Variants in PTCHD4 observed in about 807,000 individuals in gnomAD.
PTCHD4 encodes the protein patched domain containing 4, also known as patched domain-containing protein 4.
Under a neutral mutation model 58.1 loss-of-function variants are expected in PTCHD4, and 33 were observed. The observed-to-expected ratio is 0.57, with a 90% CI of 0.43 to 0.76. PTCHD4 has a LOEUF of 0.76. Among genes scored for constraint, PTCHD4 ranks in the 30% least tolerant of loss-of-function variants. The pLI is 0.00. For missense variants in PTCHD4, 1,058 were observed against 1,027.1 expected (o/e 1.03, Z -0.41); for synonymous variants, 478 against 409.6 (o/e 1.17, Z -2.02).
intron 3 of PTCHD4, among the ~76,000 whole-genome samples, chr6:48,050,710 C>G (rs9473219): frequency 1.8e-4 from 28 of 151,964 alleles, no homozygotes; most frequent in African/African-American, 6.8e-4. Context: ...GGAACTGCTC[C>G]CATAGATCCA....
intron 4 of PTCHD4, among the ~76,000 whole-genome samples, chr6:47,942,988 T>A (rs1459354670): frequency 1.3e-5 from 2 of 152,168 alleles, no homozygotes; most frequent in African/African-American, 4.8e-5. Flanking sequence ...AACTTTCTTG[T>A]GGCATAACCC....
intron 4 of PTCHD4, among the ~76,000 whole-genome samples, chr6:47,970,999 G>A (rs957976734): frequency 3.9e-5 from 6 of 152,110 alleles, no homozygotes; most frequent in South Asian, 2.1e-4. Context: ...GAGATCTGGC[G>A]TCAACTACTT....
intron 4 of PTCHD4, among the ~76,000 whole-genome samples, chr6:47,880,606 T>C (rs527398790): frequency 6.6e-6 from 1 of 152,238 alleles, no homozygotes; most frequent in South Asian, 2.1e-4. Context: ...AAGCACTTCC[T>C]TTGGGCTCCT....
At chr6:47,996,093 T>A (rs1768476039) in intron 4 of PTCHD4, among the ~76,000 whole-genome samples, 1 of 152,190 alleles carries the variant, frequency 6.6e-6, no homozygotes, top group Admixed American at 6.5e-5. Flanking sequence ...ATTTTTTTCG[T>A]TCATAGTAAT....
At chr6:48,072,172 T>C (rs1254196132) in intron 1 of PTCHD4, among the ~76,000 whole-genome samples, 2 of 152,150 alleles carry the variant, frequency 1.3e-5, no homozygotes, top group Non-Finnish European at 2.9e-5. Context: ...AGGCTCTACC[T>C]CCTTCCTCCT....
At chr6:47,909,624 G>A (rs1008255041) in intron 4 of PTCHD4, among the ~76,000 whole-genome samples, 1 of 151,872 alleles carries the variant, frequency 6.6e-6, no homozygotes, top group South Asian at 2.1e-4. Context: ...TTTATTTTTT[G>A]TAGAGACAGG....
At chr6:47,982,168 T>C (rs1185855742) in intron 4 of PTCHD4, among the ~76,000 whole-genome samples, 2 of 152,206 alleles carry the variant, frequency 1.3e-5, no homozygotes, top group African/African-American at 4.8e-5. Flanking sequence ...CAATTTATAG[T>C]TTGGGGTTGT....
chr6:48,107,499 A>G (rs1420845514), intron 1 of PTCHD4, among the ~76,000 whole-genome samples: 1 of 152,204 alleles, frequency 6.6e-6, no homozygotes, highest in Non-Finnish European at 1.5e-5. Context: ...TAAAAACCCT[A>G]GAAGAAAACC....
chr6:47,879,520 G>C lies in PTCHD4; in HGVS notation c.1315C>G (p.Gln439Glu). ...QTSHHETNPY[Q>E]HHFIQHFLRE... ...AGGAAGTGCTGAATGAAGTGGTGCTGGTAGGGGTTCGTCTCATGATGGGAC... is the reference window on the plus strand; with the variant it reads ...AGGAAGTGCTGAATGAAGTGGTGCTCGTAGGGGTTCGTCTCATGATGGGAC... The change falls in exon 5 of 5, where the codon CAG becomes GAG. Residue 439 changes from glutamine (Q) to glutamate (E), a missense_variant. Transcript: ENST00000339488. 6.2e-7 allele frequency: 1 copy of C among 1,613,774 alleles called. No individual in the cohort carries two copies. The highest frequency in any genetic ancestry group is 1.1e-5 in the South Asian group (1 of 91,080).
At chr6:47,943,610 C>T (rs1766312656) in intron 4 of PTCHD4, among the ~76,000 whole-genome samples, 1 of 152,020 alleles carries the variant, frequency 6.6e-6, no homozygotes, top group South Asian at 2.1e-4. Context: ...TCAGCCAAAT[C>T]CCCCCTGCTG....
At chr6:48,048,168 T>A (rs1268074485) in intron 3 of PTCHD4, among the ~76,000 whole-genome samples, 1 of 151,922 alleles carries the variant, frequency 6.6e-6, no homozygotes, top group African/African-American at 2.4e-5. Context: ...CAGGGTTGTA[T>A]GAAAATGCTA....
rs1763349575 is a variant in PTCHD4 at position 47,858,545 on chromosome 6, A to T, written c.*19758T>A. Among the ~76,000 whole-genome samples the T allele has an allele frequency of 6.6e-6, 1 of 152,014 alleles. No homozygotes were observed. Among genetic ancestry groups the T allele is most frequent in the South Asian group, 2.1e-4 (1 of 4,830 alleles). The stretch of plus-strand genomic sequence containing the variant: ...ACCTATGTGGTATAATTAATAAAGC[A>T]TTTTTTACCACAGATAATGGAATGC... On this transcript the variant is annotated 3_prime_UTR_variant, in exon 5 of 5. Coordinates refer to ENST00000339488, the MANE Select transcript of PTCHD4 (RefSeq NM_001384253.1).
At chr6:47,940,818 A>G (rs932723288) in intron 4 of PTCHD4, among the ~76,000 whole-genome samples, 1 of 152,144 alleles carries the variant, frequency 6.6e-6, no homozygotes, top group African/African-American at 2.4e-5. Context: ...ACTATTCTTG[A>G]TCCCATTTAA....
At chr6:47,992,294 C>CAT (rs995908178) in intron 4 of PTCHD4, among the ~76,000 whole-genome samples, 25 of 152,010 alleles carry the variant, frequency 1.6e-4, no homozygotes, top group South Asian at 4.2e-4. Context: ...CACACGTGAA[C>CAT]ATATATATAT....
intron 4 of PTCHD4, among the ~76,000 whole-genome samples, chr6:47,990,947 C>T (rs1768261010): frequency 6.6e-6 from 1 of 151,790 alleles, no homozygotes; most frequent in Non-Finnish European, 1.5e-5. Flanking sequence ...AGAAAATTAG[C>T]AAACTGTTCT....
intron 4 of PTCHD4, among the ~76,000 whole-genome samples, chr6:48,004,778 G>A (rs1053139079): frequency 9.2e-5 from 14 of 152,196 alleles, no homozygotes; most frequent in Admixed American, 2.6e-4. Flanking sequence ...TTAGCCAGGC[G>A]TGGTGGCACA....
intron 4 of PTCHD4, among the ~76,000 whole-genome samples, chr6:47,965,878 G>A (rs1767271796): frequency 6.6e-6 from 1 of 152,108 alleles, no homozygotes; most frequent in Admixed American, 6.5e-5. Flanking sequence ...TCCGGCCACT[G>A]CACTCCAGCC....
intron 3 of PTCHD4, among the ~76,000 whole-genome samples, chr6:48,013,299 C>G (rs1762749593): frequency 6.6e-6 from 1 of 151,394 alleles, no homozygotes; most frequent in Non-Finnish European, 1.5e-5. Context: ...TCCCTACATA[C>G]TAAATGAATA....
Position 47,879,204 on chromosome 6 carries a change from G to A in PTCHD4, c.1631C>T (p.Ala544Val), listed in dbSNP as rs1315011029. 1 of 1,612,656 alleles carries A rather than the reference G, an allele frequency of 6.2e-7. No individual in the cohort carries two copies. Among genetic ancestry groups the A allele is most frequent in the East Asian group, 2.2e-5 (1 of 44,862 alleles). The change falls in exon 5 of 5, where the codon GCA becomes GTA. Residue 544 changes from alanine to valine, a missense_variant. By Grantham distance (64) the Ala-to-Val change is moderately conservative. Coordinates refer to ENST00000339488, the MANE Select transcript of PTCHD4 (RefSeq NM_001384253.1). The stretch of plus-strand genomic sequence containing the variant: ...GTAGTACTGCTCCACCCAGGACACT[G>A]CAGTGAATCCACTACAGAGTCTTCT... Reference protein sequence around the residue: ...DLRRLCSGFTAVSWVEQYYQF... With the variant: ...DLRRLCSGFTVVSWVEQYYQF...
Sources: allele counts gnomAD v4.1 joint callset (sites outside exome capture counted in the v4.1 genomes callset), GRCh38; gene constraint gnomAD v4.1.1; transcripts MANE v1.5; gene names NCBI Gene and HGNC (gene_info 2026-07-23, HGNC 2026-07-21).